The following DNAH14 variants were observed in gnomAD, a reference collection of about 807,000 sequenced individuals.
DNAH14 encodes dynein axonemal heavy chain 14, also known as axonemal beta dynein heavy chain 14.
Under a neutral mutation model 520.9 loss-of-function variants are expected in DNAH14, and 478 were observed. The ratio of observed to expected loss-of-function variants is 0.92; its 90% CI spans 0.85 to 0.99. DNAH14 has a LOEUF of 0.99. Among genes scored for constraint, DNAH14 ranks in the 50% least tolerant of loss-of-function variants. DNAH14 has a pLI of 0.00. For synonymous variants in DNAH14, 1,581 were observed against 1,757.2 expected (o/e 0.90, Z 2.51); for missense variants, 4,831 against 5,234.5 (o/e 0.92, Z 2.38).
rs1233915382 is a variant in DNAH14 at position 225,276,942 on chromosome 1, AAAGGAAGG to A, written c.8179-431_8179-424del. 4.9e-3 allele frequency among the ~76,000 whole-genome samples: 337 copies of A among 69,052 alleles called. 6 individuals are homozygous for A. The highest frequency in any genetic ancestry group is 0.015 in the East Asian group (28 of 1,848). The allele number at this position is 69,052 out of a possible 152,430, so 45.3% of individuals were successfully genotyped here. On this transcript the variant is annotated intron_variant, in intron 53 of 85. Transcript: ENST00000682510. ...TCTAAAAGAAAAATAAGAAGAAGAA[AAAGGAAGG>A]AAGGAAGGAAGGAAGGAAGGAAGGA... is the stretch of plus-strand genomic sequence containing the variant.
chr1:225,291,892 A>T lies in DNAH14; in HGVS notation c.8469+1810A>T, dbSNP rs376577218. The stretch of plus-strand genomic sequence containing the variant: ...CTTCTTTTGAGAAATATCTGTTCAC[A>T]TCATTTGCCCATTTTTTAATCAGGT... On this transcript the variant is annotated intron_variant, in intron 55 of 85. Coordinates refer to ENST00000682510, the MANE Select transcript of DNAH14 (RefSeq NM_001367479.1). 3.7e-4 allele frequency among the ~76,000 whole-genome samples: 56 copies of T among 152,180 alleles called. No individual in the cohort carries two copies. The South Asian group carries it at 0.01, about 28-fold the overall frequency.
intron 34 of DNAH14, 24 bp downstream of exon 34, chr1:225,153,850 G>A: frequency 1.3e-6 from 2 of 1,524,270 alleles, no homozygotes; most frequent in Non-Finnish European, 1.8e-6. Flanking sequence ...TGAATTGTTA[G>A]GTCAAAGGGA....
chr1:224,938,912 A>G (rs1038768603), intron 1 of DNAH14, among the ~76,000 whole-genome samples: 1 of 152,200 alleles, frequency 6.6e-6, no homozygotes, highest in Non-Finnish European at 1.5e-5. Context: ...CTATTATGCT[A>G]AGTGAAATAA....
chr1:225,173,931 T>TA (rs1311303465), intron 36 of DNAH14, among the ~76,000 whole-genome samples: 4 of 152,230 alleles, frequency 2.6e-5, no homozygotes, highest in South Asian at 4.1e-4. Flanking sequence ...TATGCAGGCA[T>TA]AAAAAAATGA....
intron 1 of DNAH14, among the ~76,000 whole-genome samples, chr1:224,950,998 C>A (rs1252209282): frequency 1.3e-5 from 2 of 152,128 alleles, no homozygotes; most frequent in Non-Finnish European, 2.9e-5. Flanking sequence ...TTTTGACTCA[C>A]AAAGTCTGAA....
chr1:225,261,533 A>C (rs2092936143), intron 46 of DNAH14, among the ~76,000 whole-genome samples: 1 of 151,968 alleles, frequency 6.6e-6, no homozygotes, highest in Non-Finnish European at 1.5e-5. Flanking sequence ...ATACTATTGA[A>C]TTTGGTTTTA....
At chr1:225,152,466 T>C (rs2080590270) in intron 32 of DNAH14, among the ~76,000 whole-genome samples, 1 of 151,962 alleles carries the variant, frequency 6.6e-6, no homozygotes, top group African/African-American at 2.4e-5. Flanking sequence ...GTCCAAGGAA[T>C]CAGAGGGAAC....
intron 8 of DNAH14, among the ~76,000 whole-genome samples, chr1:224,993,072 T>A (rs1452744915): frequency 1.3e-5 from 2 of 152,122 alleles, no homozygotes; most frequent in Non-Finnish European, 2.9e-5. Context: ...CTTTGGTAAA[T>A]AATCCTTTTA....
chr1:225,326,122 G>A (rs1372497132), intron 64 of DNAH14, among the ~76,000 whole-genome samples: 2 of 152,160 alleles, frequency 1.3e-5, no homozygotes, highest in East Asian at 3.8e-4. Flanking sequence ...TGTGTTCCAA[G>A]CACAGTGGTC....
intron 10 of DNAH14, among the ~76,000 whole-genome samples, chr1:225,018,603 A>C (rs1351728397): frequency 6.6e-6 from 1 of 152,192 alleles, no homozygotes; most frequent in Non-Finnish European, 1.5e-5. Flanking sequence ...CATAGTCATC[A>C]AATTCTCCAA....
chr1:225,088,662 A>T (rs1376642810), intron 21 of DNAH14, among the ~76,000 whole-genome samples: 1 of 152,224 alleles, frequency 6.6e-6, no homozygotes, highest in Non-Finnish European at 1.5e-5. Context: ...ATAAAGACAT[A>T]GATTTACACT....
At chr1:224,940,571 G>A (rs2059349368) in intron 1 of DNAH14, among the ~76,000 whole-genome samples, 1 of 151,842 alleles carries the variant, frequency 6.6e-6, no homozygotes, top group Non-Finnish European at 1.5e-5. Flanking sequence ...TGCACAATGT[G>A]CAGGTTAGTT....
At chr1:225,206,857 TA>T in intron 40 of DNAH14, 110 bp from the exon 41 acceptor site, 1 of 961,626 alleles carries the variant, frequency 1.0e-6, no homozygotes, top group Non-Finnish European at 1.5e-6. Context: ...ATGACAATTC[TA>T]AGTCATATTT....
rs143093447 is a variant in DNAH14, at chr1:225,216,541, G to T, written c.6439+9321G>T. On this transcript the variant is annotated intron_variant, in intron 41 of 85. Transcript: ENST00000682510. ...TCACTTTCTGGTACACCAATCAGACGTAGATTTGGTCTTTTCACATAATCC... is the reference window on the plus strand; with the variant it reads ...TCACTTTCTGGTACACCAATCAGACTTAGATTTGGTCTTTTCACATAATCC... Among the ~76,000 whole-genome samples the T allele has an allele frequency of 3.9e-3, 592 of 152,274 alleles. 5 individuals are homozygous for T. Among genetic ancestry groups the T allele is most frequent in the African/African-American group, 0.013 (560 of 41,556 alleles).
chr1:225,204,405 T>C (rs1294903081), intron 39 of DNAH14, 132 bp downstream of exon 39: 1 of 516,762 alleles, frequency 1.9e-6, no homozygotes, highest in Non-Finnish European at 3.3e-6. Context: ...TATTTGTTCG[T>C]ATGTTTATTT....
At chr1:225,188,192 C>T (rs6666265) in intron 37 of DNAH14, among the ~76,000 whole-genome samples, 7,426 of 151,952 alleles carry the variant, frequency 0.049, 285 homozygotes, top group Non-Finnish European at 0.072. Context: ...TTCAGTTACT[C>T]ATGGTCAACT....
intron 24 of DNAH14, 36 bp from the exon 25 acceptor site, chr1:225,117,845 T>G: frequency 6.6e-7 from 1 of 1,516,616 alleles, no homozygotes; most frequent in African/African-American, 1.4e-5. Flanking sequence ...AGATCACAAT[T>G]CAATAATATT....
chr1:225,135,292 G>A (rs1477307198), intron 27 of DNAH14, among the ~76,000 whole-genome samples: 1 of 152,104 alleles, frequency 6.6e-6, no homozygotes, highest in African/African-American at 2.4e-5. Flanking sequence ...TGGGCATTTA[G>A]TGCTGTAAAT....
intron 58 of DNAH14, 67 bp from the exon 59 acceptor site, chr1:225,307,394 A>G (rs2150107623): frequency 2.7e-6 from 3 of 1,102,302 alleles, no homozygotes; most frequent in Non-Finnish European, 3.9e-6. Context: ...CTTTTTATAT[A>G]TTATCAAATT....
Sources: allele counts gnomAD v4.1 joint callset (sites outside exome capture counted in the v4.1 genomes callset), GRCh38; gene constraint gnomAD v4.1.1; transcripts MANE v1.5; gene names NCBI Gene and HGNC (gene_info 2026-07-23, HGNC 2026-07-21).